SFXN5: variants seen among roughly 807,000 people sequenced by gnomAD.
The protein encoded by SFXN5 is sideroflexin 5, also known as sideroflexin-5.
SFXN5 carries 43 observed loss-of-function variants against 50.2 expected under a neutral mutation model. The observed-to-expected ratio is 0.86, with a 90% confidence interval of 0.67 to 1.11. SFXN5 has a LOEUF of 1.11. SFXN5 is among the 50% of genes least tolerant of loss of function. The probability of loss-of-function intolerance (pLI) is 0.00; values close to 1 mark genes in which losing one functional copy is unlikely to be tolerated. For missense variants in SFXN5, 463 were observed against 454.1 expected, an observed-to-expected ratio of 1.02 and a Z score of -0.18; for synonymous variants, 203 against 185.8, an observed-to-expected ratio of 1.09 and a Z score of -0.75.
intron 13 of SFXN5, among the ~76,000 whole-genome samples, chr2:72,947,668 T>C (rs1672104603): frequency 6.6e-6 from 1 of 152,184 alleles, no homozygotes; most frequent in Admixed American, 6.5e-5. Flanking sequence ...CTAGAGCTGG[T>C]GGGCACAGTG....
intron 6 of SFXN5, among the ~76,000 whole-genome samples, chr2:73,012,746 CT>C (rs995927092): frequency 6.7e-6 from 1 of 149,152 alleles, no homozygotes; most frequent in Non-Finnish European, 1.5e-5. Flanking sequence ...TTAAGAAAGG[CT>C]TTATAAATCT....
chr2:72,959,030 C>T (rs1010226510), intron 13 of SFXN5, among the ~76,000 whole-genome samples: 1 of 152,114 alleles, frequency 6.6e-6, no homozygotes, highest in African/African-American at 2.4e-5. Flanking sequence ...CTCCAGCCCT[C>T]GCAGCCCCAA....
chr2:72,954,475 G>A (rs2105346446), intron 13 of SFXN5, among the ~76,000 whole-genome samples: 1 of 152,246 alleles, frequency 6.6e-6, no homozygotes, highest in Non-Finnish European at 1.5e-5. Flanking sequence ...CAGGAAACAA[G>A]CCTCCTGGCC....
At chr2:72,968,219 G>C (rs775871350) in intron 12 of SFXN5, among the ~76,000 whole-genome samples, 2 of 151,360 alleles carry the variant, frequency 1.3e-5, no homozygotes, top group African/African-American at 4.9e-5. Flanking sequence ...GGTATCCCTC[G>C]TGGCACCTAG....
intron 6 of SFXN5, among the ~76,000 whole-genome samples, chr2:73,013,406 CGT>C (rs61590375): frequency 0.021 from 2,932 of 139,542 alleles, 25 homozygotes; most frequent in African/African-American, 0.023. Context: ...AGGGATATTT[CGT>C]GTGTGTGTGT....
At chr2:73,069,680 T>C (rs1683435862) in intron 1 of SFXN5, among the ~76,000 whole-genome samples, 1 of 152,150 alleles carries the variant, frequency 6.6e-6, no homozygotes, top group Non-Finnish European at 1.5e-5. Context: ...TAGCCTAAAA[T>C]GTTTATCTAT....
chr2:72,996,507 GTT>G (rs11447075), intron 9 of SFXN5: 9 of 125,368 alleles, frequency 7.2e-5, no homozygotes, highest in Non-Finnish European at 6.5e-5. Context: ...GCTGAGTTTT[GTT>G]TTTTTTTTTT....
intron 3 of SFXN5, among the ~76,000 whole-genome samples, chr2:73,031,588 G>C (rs1387303699): frequency 6.6e-6 from 1 of 152,260 alleles, no homozygotes; most frequent in South Asian, 2.1e-4. Context: ...ATCAGGGAAA[G>C]ATTTCCAGGG....
intron 10 of SFXN5, among the ~76,000 whole-genome samples, chr2:72,978,348 T>A (rs1479055531): frequency 6.6e-6 from 1 of 150,742 alleles, no homozygotes; most frequent in African/African-American, 2.4e-5. Flanking sequence ...AGTGGCACAA[T>A]CTCGGCTCAC....
intron 11 of SFXN5, among the ~76,000 whole-genome samples, chr2:72,970,402 T>C (rs1334119897): frequency 6.6e-6 from 1 of 152,122 alleles, no homozygotes; most frequent in African/African-American, 2.4e-5. Context: ...CCCCTTGCCC[T>C]AAAAACCTTG....
chr2:72,995,889 A>G (rs1673160578), intron 9 of SFXN5, among the ~76,000 whole-genome samples: 1 of 152,246 alleles, frequency 6.6e-6, no homozygotes, highest in Non-Finnish European at 1.5e-5. Context: ...ACTCCACTCC[A>G]TCTGCCGGAG....
chr2:72,970,718 C>T (rs1223293664), intron 11 of SFXN5, among the ~76,000 whole-genome samples: 1 of 151,034 alleles, frequency 6.6e-6, no homozygotes, highest in African/African-American at 2.4e-5. Context: ...GACGGAGTTT[C>T]GCTGTTTCAC....
chr2:73,018,312 A>G (rs570158850), intron 6 of SFXN5, among the ~76,000 whole-genome samples: 1 of 152,260 alleles, frequency 6.6e-6, no homozygotes, highest in Admixed American at 6.5e-5. Context: ...TGAACCTAGA[A>G]TATCCTGTTG....
intron 9 of SFXN5, chr2:72,995,112 C>T (rs907028241): frequency 1.3e-5 from 2 of 152,246 alleles, no homozygotes. Flanking sequence ...CCCTGAAGCC[C>T]CCAGCACCTG....
chr2:72,980,627 G>A (rs1396509552), intron 10 of SFXN5, among the ~76,000 whole-genome samples: 2 of 152,186 alleles, frequency 1.3e-5, no homozygotes, highest in Non-Finnish European at 2.9e-5. Flanking sequence ...GTAAGTCTAG[G>A]TGTAGGCTGA....
intron 13 of SFXN5, among the ~76,000 whole-genome samples, chr2:72,951,232 A>C (rs914123785): frequency 3.3e-5 from 5 of 152,134 alleles, no homozygotes; most frequent in Admixed American, 3.3e-4. Flanking sequence ...ACCAGCTCCC[A>C]GCCAGCCTCC....
At chr2:73,014,211 C>G (rs1169465752) in intron 6 of SFXN5, among the ~76,000 whole-genome samples, 1 of 152,090 alleles carries the variant, frequency 6.6e-6, no homozygotes, top group Non-Finnish European at 1.5e-5. Context: ...CAAATATTTT[C>G]TTTTCATATT....
At chr2:73,052,995 T>A (rs1195612605) in intron 2 of SFXN5, among the ~76,000 whole-genome samples, 1 of 152,130 alleles carries the variant, frequency 6.6e-6, no homozygotes, top group Non-Finnish European at 1.5e-5. Flanking sequence ...CTGGCCAACA[T>A]GGCAAAACCC....
chr2:73,011,506 C>T (rs557652812), intron 6 of SFXN5, among the ~76,000 whole-genome samples: 12 of 152,238 alleles, frequency 7.9e-5, no homozygotes, highest in African/African-American at 2.2e-4. Flanking sequence ...GGAGAAGAGA[C>T]GTGCCATATA....
Sources: gnomAD v4.1 joint callset for allele counts (sites outside exome capture counted in the v4.1 genomes callset) on GRCh38, gnomAD v4.1.1 for gene constraint, MANE v1.5 for transcripts, NCBI Gene and HGNC (gene_info 2026-07-23, HGNC 2026-07-21) for gene names.